The following VPS13B variants were observed in gnomAD, a reference collection of about 807,000 sequenced individuals.
VPS13B encodes the protein vacuolar protein sorting 13 homolog B, also known as intermembrane lipid transfer protein VPS13B.
A neutral mutation model predicts 426.4 loss-of-function variants in VPS13B; 285 were observed. The observed-to-expected ratio is 0.67, with a 90% CI of 0.61 to 0.74. The LOEUF (loss-of-function observed/expected upper bound fraction) is 0.74, where lower values mean the gene tolerates loss of function less well. Among genes scored for constraint, VPS13B ranks in the 30% least tolerant of loss-of-function variants. The pLI is 0.00. For missense variants in VPS13B, 4,537 were observed against 4,782.6 expected, an observed-to-expected ratio of 0.95 and a Z score of 1.51; for synonymous variants, 1,676 against 1,676.4, an observed-to-expected ratio of 1.00 and a Z score of 0.01.
intron 7 of VPS13B, among the ~76,000 whole-genome samples, chr8:99,118,880 CAT>C (rs1304985761): frequency 2.0e-5 from 3 of 152,280 alleles, no homozygotes; most frequent in Admixed American, 6.5e-5. Flanking sequence ...TTCACGTAGA[CAT>C]GTGCTATTCT....
intron 34 of VPS13B, among the ~76,000 whole-genome samples, chr8:99,647,754 A>T (rs565074869): frequency 6.6e-6 from 1 of 152,330 alleles, no homozygotes; most frequent in East Asian, 1.9e-4. Flanking sequence ...AACGCTGGTT[A>T]TCTCAAGAGA....
At chr8:99,200,726 T>A (rs1004292238) in intron 17 of VPS13B, among the ~76,000 whole-genome samples, 14 of 152,186 alleles carry the variant, frequency 9.2e-5, no homozygotes, top group Non-Finnish European at 2.1e-4. Flanking sequence ...ATCCTTTGCT[T>A]ATTTTAAGAT....
chr8:99,355,705 G>A (rs146332338), intron 19 of VPS13B, among the ~76,000 whole-genome samples: 183 of 152,228 alleles, frequency 1.2e-3, no homozygotes, highest in African/African-American at 4.1e-3. Context: ...TTCTAGCTGT[G>A]CCTTTTGTTT....
At chr8:99,031,181 G>A (rs2132194329) in intron 2 of VPS13B, among the ~76,000 whole-genome samples, 1 of 151,996 alleles carries the variant, frequency 6.6e-6, no homozygotes, top group South Asian at 2.1e-4. Context: ...TATTGCCGAA[G>A]CTTTCAATTG....
At chr8:99,263,342 T>C (rs564811686) in intron 17 of VPS13B, among the ~76,000 whole-genome samples, 88 of 152,342 alleles carry the variant, frequency 5.8e-4, no homozygotes, top group African/African-American at 2.1e-3. Flanking sequence ...GCATAGTTAC[T>C]ATTGAATATG....
intron 34 of VPS13B, among the ~76,000 whole-genome samples, chr8:99,659,853 T>C (rs1031087004): frequency 6.6e-6 from 1 of 152,196 alleles, no homozygotes; most frequent in African/African-American, 2.4e-5. Flanking sequence ...TGTCTCCTTG[T>C]TTAGATCTAT....
At chr8:99,729,555 G>A (rs1297014559) in intron 39 of VPS13B, among the ~76,000 whole-genome samples, 2 of 152,154 alleles carry the variant, frequency 1.3e-5, no homozygotes, top group Admixed American at 1.3e-4. Context: ...GCTTTTTAGT[G>A]CAATGACTAT....
At chr8:99,869,431 C>G (rs188520663) in intron 59 of VPS13B, among the ~76,000 whole-genome samples, 1 of 152,140 alleles carries the variant, frequency 6.6e-6, no homozygotes, top group African/African-American at 2.4e-5. Context: ...AATGAGTGCC[C>G]ACACTTCAGG....
At chr8:99,640,828 A>G (rs1362337530) in intron 33 of VPS13B, among the ~76,000 whole-genome samples, 1 of 152,248 alleles carries the variant, frequency 6.6e-6, no homozygotes, top group Non-Finnish European at 1.5e-5. Flanking sequence ...GTGCATAGGT[A>G]GGAAACAAAG....
At chr8:99,556,802 T>A in intron 31 of VPS13B, 149 bp downstream of exon 31, 1 of 893,108 alleles carries the variant, frequency 1.1e-6, no homozygotes, top group Non-Finnish European at 1.8e-6. Context: ...TTTGTAATTG[T>A]AGCTGATGAT....
At chr8:99,664,619 C>T (rs1830392115) in intron 35 of VPS13B, among the ~76,000 whole-genome samples, 1 of 152,132 alleles carries the variant, frequency 6.6e-6, no homozygotes. Flanking sequence ...TTTCCAGTTT[C>T]ATCCTTGTCC....
At chr8:99,209,410 A>C (rs1296204625) in intron 17 of VPS13B, among the ~76,000 whole-genome samples, 1 of 152,130 alleles carries the variant, frequency 6.6e-6, no homozygotes, top group Non-Finnish European at 1.5e-5. Context: ...TGGATTTATT[A>C]ATGTGAATCC....
chr8:99,131,595 TTTG>T (rs199851123), intron 8 of VPS13B, among the ~76,000 whole-genome samples: 2,143 of 152,274 alleles, frequency 0.014, 176 homozygotes, highest in Admixed American at 0.12. Context: ...AATATTGTAG[TTTG>T]TTAAGTGTCC....
chr8:99,870,947 G>T, intron 60 of VPS13B, 60 bp downstream of exon 60: 1 of 1,554,082 alleles, frequency 6.4e-7, no homozygotes, highest in Non-Finnish European at 8.9e-7. Context: ...ATAGCTCCTG[G>T]CTTGCTCTCA....
chr8:99,482,244 A>C (rs1185942389), intron 25 of VPS13B, among the ~76,000 whole-genome samples: 1 of 152,032 alleles, frequency 6.6e-6, no homozygotes, highest in Non-Finnish European at 1.5e-5. Context: ...CTTCCTCCCA[A>C]TTATAAAAGC....
chr8:99,139,092 A>G (rs1588079593), intron 12 of VPS13B, among the ~76,000 whole-genome samples: 1 of 152,346 alleles, frequency 6.6e-6, no homozygotes, highest in East Asian at 1.9e-4. Flanking sequence ...TTTTAAAACA[A>G]AATATTGAAT....
At chr8:99,334,502 G>C (rs547771404) in intron 19 of VPS13B, among the ~76,000 whole-genome samples, 143 of 152,158 alleles carry the variant, frequency 9.4e-4, no homozygotes, top group Non-Finnish European at 1.6e-3. Flanking sequence ...GTCATAGATA[G>C]CTCTTATTAT....
Position 99,661,412 on chromosome 8 carries a change from G to T in VPS13B, c.5967G>T (p.Val1989=). 6.2e-7 allele frequency: 1 copy of T among 1,613,766 alleles called. No homozygotes were observed. Among genetic ancestry groups the T allele is most frequent in the Non-Finnish European group, 8.5e-7 (1 of 1,179,850 alleles). ...ATTGCACTGTTTGGCTACAGACAGTGCCTGGAGAAATAGACAGCAAAAGTG... is the reference window on the plus strand; with the variant it reads ...ATTGCACTGTTTGGCTACAGACAGTTCCTGGAGAAATAGACAGCAAAAGTG... ...LDYCTVWLQT[V]PGEIDSKSGI... Residue 1989 remains valine, a synonymous_variant, in exon 35 of 62, where the codon GTG becomes GTT. Transcript: ENST00000357162.
chr8:99,476,453 T>C (rs3134164), intron 24 of VPS13B, among the ~76,000 whole-genome samples: 144,920 of 151,276 alleles, frequency 0.96, 69,479 homozygotes, highest in East Asian at 1. Flanking sequence ...TCTTATTGAG[T>C]GCTACATGTA....
Sources: gnomAD v4.1 joint callset for allele counts (sites outside exome capture counted in the v4.1 genomes callset) on GRCh38, gnomAD v4.1.1 for gene constraint, MANE v1.5 for transcripts, NCBI Gene and HGNC (gene_info 2026-07-23, HGNC 2026-07-21) for gene names.